IFI16: variants seen among roughly 807,000 people sequenced by gnomAD.
IFI16 encodes the protein interferon gamma inducible protein 16, also known as gamma-interferon-inducible protein 16.
Under a neutral mutation model 68.4 loss-of-function variants are expected in IFI16, and 49 were observed. That is an observed-to-expected ratio of 0.72 (90% CI 0.57 to 0.91). The LOEUF is 0.91. Ranked by LOEUF, IFI16 falls within the 40% of genes least tolerant of loss-of-function variation. IFI16 has a pLI of 0.00. For synonymous variants in IFI16, 307 were observed against 315.0 expected, an observed-to-expected ratio of 0.97 and a Z score of 0.27; for missense variants, 878 against 942.9, an observed-to-expected ratio of 0.93 and a Z score of 0.90.
chr1:159,005,002 A>G (rs891107830), upstream of IFI16, among the ~76,000 whole-genome samples: 2 of 152,212 alleles, frequency 1.3e-5, no homozygotes, highest in African/African-American at 4.8e-5. Flanking sequence ...TTAGTACCCA[A>G]TGCAACAGTG....
chr1:159,028,569 T>C (rs1383519729), intron 6 of IFI16, among the ~76,000 whole-genome samples: 2 of 152,200 alleles, frequency 1.3e-5, no homozygotes, highest in Non-Finnish European at 2.9e-5. Flanking sequence ...AATTTTTGTT[T>C]GTTGACTTTC....
intron 8 of IFI16, among the ~76,000 whole-genome samples, chr1:159,046,301 T>C (rs1487692110): frequency 6.6e-6 from 1 of 151,226 alleles, no homozygotes; most frequent in African/African-American, 2.4e-5. Flanking sequence ...GTCATGGCTA[T>C]TGTAAGGTGA....
intron 6 of IFI16, among the ~76,000 whole-genome samples, chr1:159,030,877 G>GGT (rs150056231): frequency 0.015 from 7 of 466 alleles, no homozygotes; most frequent in Non-Finnish European, 0.045. Context: ...GGTGGTGGGT[G>GGT]GGGGGGCCAC....
chr1:159,028,431 T>A (rs12090965), intron 6 of IFI16, among the ~76,000 whole-genome samples: 42,979 of 151,980 alleles, frequency 0.28, 8,176 homozygotes, highest in African/African-American at 0.54. Context: ...TTGTGGCCTA[T>A]TATATGGCCT....
In IFI16 at chr1:159,053,689, G is replaced by T; in HGVS notation, c.2242G>T (p.Gly748Trp). The stretch of plus-strand genomic sequence containing the variant: ...ATTGGCACCGAAAAGTGGGAATACC[G>T]GGGAGTTGAGATCTGTAATTCATAG... Reference protein sequence around the residue: ...FELAPKSGNTGELRSVIHSHI... With the variant: ...FELAPKSGNTWELRSVIHSHI... The change falls in exon 11 of 12, where the codon GGG (glycine) becomes TGG (tryptophan). Residue 748 changes from glycine (G) to tryptophan (W), a missense_variant. By Grantham distance (184) the Gly-to-Trp change is radical. Coordinates refer to ENST00000295809, the MANE Select transcript of IFI16 (RefSeq NM_001376587.1). The T allele has an allele frequency of 6.2e-7, 1 of 1,613,716 alleles. No individual in the cohort carries two copies. Among genetic ancestry groups the T allele is most frequent in the Non-Finnish European group, 8.5e-7 (1 of 1,179,754 alleles).
At chr1:159,022,399 G>C (rs1160250812) in intron 6 of IFI16, among the ~76,000 whole-genome samples, 1 of 152,082 alleles carries the variant, frequency 6.6e-6, no homozygotes, top group African/African-American at 2.4e-5. Flanking sequence ...GGGTACACTC[G>C]CCAGCAGTTT....
At chr1:159,019,466 C>CTT (rs201187989) in intron 5 of IFI16, among the ~76,000 whole-genome samples, 1,901 of 143,764 alleles carry the variant, frequency 0.013, 38 homozygotes, top group African/African-American at 0.044. Context: ...TGTACACAGT[C>CTT]TTTTTTTTTT....
At chr1:159,017,635 T>G (rs907892514) in intron 4 of IFI16, among the ~76,000 whole-genome samples, 2 of 151,906 alleles carry the variant, frequency 1.3e-5, no homozygotes, top group Non-Finnish European at 2.9e-5. Context: ...TGAGACAGAG[T>G]CTCGCTCTGT....
chr1:159,032,720 G>A (rs1224305265), intron 7 of IFI16, 29 bp downstream of exon 7: 20 of 1,534,610 alleles, frequency 1.3e-5, no homozygotes, highest in Non-Finnish European at 1.7e-5. Flanking sequence ...CATGCCTCAT[G>A]TCTCCCCACC....
Position 159,032,514 on chromosome 1 carries a change from A to G in IFI16, c.1162-10A>G, listed in dbSNP as rs375238962. On this transcript the variant is annotated splice_polypyrimidine_tract_variant and intron_variant, in intron 6 of 11. Transcript: ENST00000295809. ...TTGAAAACCATTAAACAGAAAATGA[A>G]TACTTTCAGATAAAGAAAAAAACAA... 3 of 1,549,384 alleles carry G rather than the reference A, an allele frequency of 1.9e-6. No individual in the cohort carries two copies. The highest frequency in any genetic ancestry group is 1.4e-5 in the African/African-American group (1 of 72,122).
At chr1:159,045,549 C>T (rs1416928726) in intron 8 of IFI16, 85 bp downstream of exon 8, 4 of 1,493,870 alleles carry the variant, frequency 2.7e-6, no homozygotes, top group Middle Eastern at 3.6e-4. Flanking sequence ...CCTCACCAAT[C>T]CCCTACTACA....
chr1:159,015,901 A>G lies in IFI16; in HGVS notation c.295A>G (p.Lys99Glu). 1.9e-6 allele frequency: 3 copies of G among 1,614,000 alleles called. No individual in the cohort carries two copies. Among genetic ancestry groups the G allele is most frequent in the Non-Finnish European group, 2.5e-6 (3 of 1,179,864 alleles). ...AGGACCAGCCCTATCAAGAAAGAGG[A>G]AGAAGGAAGTGGATGCTACTTCACC... is the stretch of plus-strand genomic sequence containing the variant. The part of the protein sequence containing the change: ...VKGPALSRKR[K>E]KEVDATSPAP... Residue 99 changes from lysine (K) to glutamate (E), a missense_variant, in exon 3 of 12, where the codon AAG becomes GAG. Physicochemically the swap from Lys to Glu is moderately conservative, Grantham distance 56. Around this residue, in one of 4 missense-constraint regions of IFI16, gnomAD observed 443 missense variants for 421.8 expected, o/e 1.05. Coordinates refer to ENST00000295809, the MANE Select transcript of IFI16 (RefSeq NM_001376587.1).
intron 6 of IFI16, 70 bp downstream of exon 6, chr1:159,020,599 A>G: frequency 8.4e-7 from 1 of 1,185,138 alleles, no homozygotes; most frequent in Non-Finnish European, 1.2e-6. Flanking sequence ...TGGCAAAAAC[A>G]AGTTTGTAGG....
intron 10 of IFI16, 116 bp from the exon 11 acceptor site, chr1:159,053,417 C>G (rs756062237): frequency 3.1e-6 from 2 of 655,400 alleles, no homozygotes; most frequent in Non-Finnish European, 5.3e-6. Flanking sequence ...TATTCAGGAC[C>G]TACAGCTCTG....
Position 159,015,984 on chromosome 1 carries a change from T to C in IFI16, c.378T>C (p.Ala126=), listed in dbSNP as rs1297392726. Residue 126 remains alanine, a synonymous_variant, in exon 3 of 12, where the codon GCT becomes GCC. Coordinates refer to ENST00000295809, the MANE Select transcript of IFI16 (RefSeq NM_001376587.1). ...AAGGAGCAGAGGCAACTCCTGGAGCTCAGGTAAGCTTCAGGAAGAGGAGCA... is the reference window on the plus strand; with the variant it reads ...AAGGAGCAGAGGCAACTCCTGGAGCCCAGGTAAGCTTCAGGAAGAGGAGCA... ...KTEGAEATPG[A]QKRKKSTKEK... The C allele has an allele frequency of 1.2e-6, 2 of 1,609,346 alleles. No homozygotes were observed. Among genetic ancestry groups the C allele is most frequent in the Non-Finnish European group, 1.7e-6 (2 of 1,175,892 alleles).
intron 7 of IFI16, among the ~76,000 whole-genome samples, chr1:159,043,364 A>T (rs975903995): frequency 6.6e-6 from 1 of 152,236 alleles, no homozygotes; most frequent in Admixed American, 6.5e-5. Context: ...ACTTTCTAAG[A>T]CCTTGCCTGC....
intron 7 of IFI16, among the ~76,000 whole-genome samples, chr1:159,034,828 G>T (rs1368901204): frequency 6.6e-6 from 1 of 152,160 alleles, no homozygotes; most frequent in Non-Finnish European, 1.5e-5. Flanking sequence ...TATACCATAA[G>T]CTCAGATGGT....
chr1:159,008,478 C>G (rs923719201), upstream of IFI16, among the ~76,000 whole-genome samples: 1 of 151,960 alleles, frequency 6.6e-6, no homozygotes, highest in South Asian at 2.1e-4. Flanking sequence ...TATAGGTGAC[C>G]GCAGTTTGTG....
intron 5 of IFI16, among the ~76,000 whole-genome samples, chr1:159,019,951 A>G (rs556229452): frequency 6.6e-6 from 1 of 152,306 alleles, no homozygotes; most frequent in African/African-American, 2.4e-5. Context: ...TTTCTTACAG[A>G]TTCCTCATAA....
Sources: allele counts gnomAD v4.1 joint callset (sites outside exome capture counted in the v4.1 genomes callset), GRCh38; gene constraint gnomAD v4.1.1; regional missense constraint gnomAD v4.1.1; transcripts MANE v1.5; gene names NCBI Gene and HGNC (gene_info 2026-07-23, HGNC 2026-07-21).